GABRB3: variants seen among roughly 807,000 people sequenced by gnomAD.
GABRB3 encodes the protein gamma-aminobutyric acid type A receptor subunit beta3, also known as gamma-aminobutyric acid receptor subunit beta-3.
A neutral mutation model predicts 52.1 loss-of-function variants in GABRB3; 14 were observed. The observed-to-expected ratio is 0.27, with a 90% CI of 0.18 to 0.42. The LOEUF is 0.42. Ranked by LOEUF, GABRB3 falls within the 10% of genes least tolerant of loss-of-function variation. The pLI is 1.00. For missense variants in GABRB3, 307 were observed against 609.1 expected (o/e 0.50, Z 5.22); for synonymous variants, 260 against 232.3 (o/e 1.12, Z -1.08).
Position 26,621,269 on chromosome 15 carries a change from A to G in GABRB3, c.461+45T>C, listed in dbSNP as rs376659307. On this transcript the variant is annotated intron_variant, in intron 4 of 8. Coordinates refer to ENST00000311550, the MANE Select transcript of GABRB3 (RefSeq NM_000814.6). The surrounding 1 kb of genome is among the most constrained non-coding windows in gnomAD (Gnocchi z 4.1). Reference sequence around the variant, plus strand: ...ATCTCAAGTGAGATATTCAACACCCATGCACCATGCAACAGCAAAATTGGT... The same window carrying G: ...ATCTCAAGTGAGATATTCAACACCCGTGCACCATGCAACAGCAAAATTGGT... 14 of 1,414,796 alleles carry G rather than the reference A, an allele frequency of 9.9e-6. No individual in the cohort carries two copies. The African/African-American group carries it at 1.7e-4, about 17-fold the overall frequency. The allele number at this position is 1,414,796 out of a possible 1,614,324, so 87.6% of individuals were successfully genotyped here.
intron 7 of GABRB3, among the ~76,000 whole-genome samples, chr15:26,564,467 T>C (rs2140687643): frequency 6.6e-6 from 1 of 152,218 alleles, no homozygotes; most frequent in African/African-American, 2.4e-5. Flanking sequence ...CCTGAGTCCC[T>C]CCCGCGTTGA....
intron 3 of GABRB3, chr15:26,657,141 T>C (rs914419674): frequency 1.3e-5 from 2 of 152,254 alleles, no homozygotes; most frequent in Non-Finnish European, 2.9e-5. Context: ...CAGTTTCTTA[T>C]GAGCAGATGA....
intron 3 of GABRB3, among the ~76,000 whole-genome samples, chr15:26,636,405 T>C (rs1893063273): frequency 6.6e-6 from 1 of 152,128 alleles, no homozygotes; most frequent in African/African-American, 2.4e-5. Flanking sequence ...CTCTCCTGCC[T>C]TTCCTCCGAC....
intron 3 of GABRB3, among the ~76,000 whole-genome samples, chr15:26,745,200 A>T (rs1376977368): frequency 6.6e-6 from 1 of 152,192 alleles, no homozygotes; most frequent in African/African-American, 2.4e-5. Context: ...GCCTCCCACC[A>T]GGCCCCACCT....
At chr15:26,741,001 G>A (rs1041416324) in intron 3 of GABRB3, among the ~76,000 whole-genome samples, 14 of 151,342 alleles carry the variant, frequency 9.3e-5, no homozygotes, top group Non-Finnish European at 1.8e-4. Context: ...AGAATGCCTC[G>A]ATTTCCTCAC....
chr15:26,766,766 T>C (rs1046897924), intron 3 of GABRB3, among the ~76,000 whole-genome samples: 1 of 151,530 alleles, frequency 6.6e-6, no homozygotes, highest in Non-Finnish European at 1.5e-5. Flanking sequence ...TTTAACTACA[T>C]GTAAATAAGC....
chr15:26,556,606 T>A (rs1342767002), intron 8 of GABRB3, among the ~76,000 whole-genome samples: 1 of 152,202 alleles, frequency 6.6e-6, no homozygotes, highest in Non-Finnish European at 1.5e-5. Flanking sequence ...ACAGATGGTA[T>A]GCACAAATAA....
chr15:26,652,469 G>A (rs1887227812), intron 3 of GABRB3, among the ~76,000 whole-genome samples: 1 of 152,094 alleles, frequency 6.6e-6, no homozygotes, highest in Non-Finnish European at 1.5e-5. Flanking sequence ...GAACAAAGAT[G>A]ACAAATACAA....
At chr15:26,569,128 G>T (rs550944374) in intron 6 of GABRB3, among the ~76,000 whole-genome samples, 8 of 152,238 alleles carry the variant, frequency 5.3e-5, no homozygotes, top group Admixed American at 2.0e-4. Flanking sequence ...GCATTCTACA[G>T]GCTTTATTCC....
chr15:26,621,567 T>C lies in GABRB3; in HGVS notation c.241-33A>G. ...GAAAAGAAAAGAAAGAAAGTTAGTT[T>C]GTACCCAGCCACAGGTGTATTTCCT... On this transcript the variant is annotated intron_variant, in intron 3 of 8. Coordinates refer to ENST00000311550, the MANE Select transcript of GABRB3 (RefSeq NM_000814.6). This position sits in a 1 kb window ranked among gnomAD's most constrained non-coding sequence, Gnocchi z 4.1. 1 of 1,555,642 alleles carries C rather than the reference T, an allele frequency of 6.4e-7. No homozygotes were observed. Among genetic ancestry groups the C allele is most frequent in the Non-Finnish European group, 8.9e-7 (1 of 1,129,842 alleles).
At chr15:26,717,741 C>A (rs74004651) in intron 3 of GABRB3, among the ~76,000 whole-genome samples, 4,498 of 152,240 alleles carry the variant, frequency 0.03, 248 homozygotes, top group African/African-American at 0.1. Flanking sequence ...TTTTTCTTCC[C>A]TCCCATTGAA....
Position 26,547,913 on chromosome 15 carries a change from C to G in GABRB3, c.1302G>C (p.Gln434His), listed in dbSNP as rs1247883776. 1 of 1,614,144 alleles carries G rather than the reference C, an allele frequency of 6.2e-7. No individual in the cohort carries two copies. The highest frequency in any genetic ancestry group is 8.5e-7 in the Non-Finnish European group (1 of 1,180,020). Residue 434 changes from glutamine to histidine, a missense_variant, in exon 9 of 9, where the codon CAG becomes CAC. Coordinates refer to ENST00000311550, the MANE Select transcript of GABRB3 (RefSeq NM_000814.6). Reference sequence around the variant, plus strand: ...TTAGATCAGGTATTTTAATTTTGAGCTGTGAAGACCTCCTCCGTAGATGGG... The same window carrying G: ...TTAGATCAGGTATTTTAATTTTGAGGTGTGAAGACCTCCTCCGTAGATGGG... ...KKTHLRRRSS[Q>H]LKIKIPDLTD... is the part of the protein sequence containing the mutation.
At chr15:26,679,605 T>C (rs1888174941) in intron 3 of GABRB3, among the ~76,000 whole-genome samples, 1 of 152,014 alleles carries the variant, frequency 6.6e-6, no homozygotes, top group Non-Finnish European at 1.5e-5. Flanking sequence ...TATTCTCTAA[T>C]AGAGAATAGC....
chr15:26,725,328 A>T (rs1184340814), intron 3 of GABRB3, among the ~76,000 whole-genome samples: 1 of 152,050 alleles, frequency 6.6e-6, no homozygotes, highest in Non-Finnish European at 1.5e-5. Context: ...TAATTCCACC[A>T]TCCCTCCCCA....
At chr15:26,718,142 G>A (rs965581676) in intron 3 of GABRB3, among the ~76,000 whole-genome samples, 4 of 152,270 alleles carry the variant, frequency 2.6e-5, no homozygotes, top group African/African-American at 9.6e-5. Context: ...TTCCCCAAAG[G>A]TCTAGTCAAA....
Position 26,664,704 on chromosome 15 carries a change from G to GTTTTTTTTTTTTTTTTTTTTTTTTTTTT in GABRB3, c.241-43171_241-43170insAAAAAAAAAAAAAAAAAAAAAAAAAAAA, listed in dbSNP as rs1162139952. Among the ~76,000 whole-genome samples, 2 of 95,224 alleles carry GTTTTTTTTTTTTTTTTTTTTTTTTTTTT rather than the reference G, an allele frequency of 2.1e-5. 1 individual carries two copies. Among genetic ancestry groups the GTTTTTTTTTTTTTTTTTTTTTTTTTTTT allele is most frequent in the African/African-American group, 8.3e-5 (2 of 23,980 alleles). The allele number at this position is 95,224 out of a possible 152,430, so 62.5% of individuals were successfully genotyped here. On this transcript the variant is annotated intron_variant, in intron 3 of 8. Coordinates refer to ENST00000311550, the MANE Select transcript of GABRB3 (RefSeq NM_000814.6). ...CCTTATCATTTCTTTTCTTTTCTTT[G>GTTTTTTTTTTTTTTTTTTTTTTTTTTTT]TTTTTTTTTTTTTTTTTTTGGTGGA... is the stretch of plus-strand genomic sequence containing the variant.
At chr15:26,717,206 G>A (rs796866246) in intron 3 of GABRB3, among the ~76,000 whole-genome samples, 1 of 146,570 alleles carries the variant, frequency 6.8e-6, no homozygotes, top group African/African-American at 2.5e-5. Context: ...CCAGCTCTGG[G>A]GACCTCCACT....
At position 26,546,871 on chromosome 15, in the gene GABRB3, T is replaced by A. The variant is rs1285531082; in HGVS notation, c.*922A>T. 2 of 149,378 alleles carry A rather than the reference T, an allele frequency of 1.3e-5. No homozygotes were observed. The highest frequency in any genetic ancestry group is 3.0e-5 in the Non-Finnish European group (2 of 67,342). 9.3% of individuals were successfully genotyped at this position (149,378 alleles called of 1,614,324 possible). A position where few individuals can be genotyped will look rare whatever the true frequency, so the allele number is the denominator to read the frequency against. Reference sequence around the variant, plus strand: ...CATCCTAGATGGTTTTACCTTAGAGTAACGAATAACCTGAGACGTCTATGC... The same window carrying A: ...CATCCTAGATGGTTTTACCTTAGAGAAACGAATAACCTGAGACGTCTATGC... On this transcript the variant is annotated 3_prime_UTR_variant, in exon 9 of 9. Coordinates refer to ENST00000311550, the MANE Select transcript of GABRB3 (RefSeq NM_000814.6).
chr15:26,735,805 A>C (rs960098985), intron 3 of GABRB3, among the ~76,000 whole-genome samples: 2 of 150,432 alleles, frequency 1.3e-5, no homozygotes, highest in African/African-American at 4.9e-5. Context: ...AAAATAAAAA[A>C]TTAGTGGGGG....
Sources: allele counts gnomAD v4.1 joint callset (sites outside exome capture counted in the v4.1 genomes callset), GRCh38; gene constraint gnomAD v4.1.1; non-coding constraint Gnocchi (gnomAD v3.1); transcripts MANE v1.5; gene names NCBI Gene and HGNC (gene_info 2026-07-23, HGNC 2026-07-21).